PLXNA1: variants seen among roughly 807,000 people sequenced by gnomAD.
PLXNA1 encodes plexin A1, also known as plexin-A1.
Under a neutral mutation model 191.7 loss-of-function variants are expected in PLXNA1, and 77 were observed. The ratio of observed to expected loss-of-function variants is 0.40; its 90% CI spans 0.33 to 0.49. The LOEUF (loss-of-function observed/expected upper bound fraction) is 0.49, where lower values mean the gene tolerates loss of function less well. PLXNA1 is among the 20% of genes least tolerant of loss of function. The pLI is 0.63. For synonymous variants in PLXNA1, 1,137 were observed against 1,156.4 expected (o/e 0.98, Z 0.34); for missense variants, 2,110 against 2,660.2 (o/e 0.79, Z 4.55).
At position 127,030,005 on chromosome 3, in the gene PLXNA1, G is replaced by A. The variant is rs1316116643; in HGVS notation, c.5002G>A (p.Gly1668Ser). Residue 1668 changes from glycine (G) to serine (S), a missense_variant, in exon 28 of 32, where the codon GGT becomes AGT. By Grantham distance (56) the Gly-to-Ser change is moderately conservative (BLOSUM62 0). Coordinates refer to ENST00000393409, the MANE Select transcript of PLXNA1 (RefSeq NM_032242.4). ...CCACGACCACCTGGACCAGCGTGAG[G>A]GTGACCGCGGCAGCAAGATGGTCTC... ...KNHDHLDQRE[G>S]DRGSKMVSEI... is the part of the protein sequence containing the mutation. 1.2e-6 allele frequency: 2 copies of A among 1,613,754 alleles called. No homozygotes were observed. Among genetic ancestry groups the A allele is most frequent in the Non-Finnish European group, 8.5e-7 (1 of 1,179,950 alleles).
chr3:127,015,359 T>C (rs2107632381), intron 15 of PLXNA1, 39 bp downstream of exon 15: 1 of 1,578,850 alleles, frequency 6.3e-7, no homozygotes, highest in East Asian at 2.3e-5. Context: ...TGGCTGCCCC[T>C]CCTCCTGTTT....
In PLXNA1 at chr3:126,991,505, C is replaced by T. The variant is rs2107621338; in HGVS notation, c.1316C>T (p.Ala439Val). Reference protein sequence around the residue: ...DKDDGLTAVAAYDYRGRTVVF... With the variant: ...DKDDGLTAVAVYDYRGRTVVF... Reference sequence around the variant, plus strand: ...GATGATGGCCTGACCGCCGTGGCTGCCTATGACTATCGGGGCCGCACTGTG... The same window carrying T: ...GATGATGGCCTGACCGCCGTGGCTGTCTATGACTATCGGGGCCGCACTGTG... The change falls in exon 3 of 32, where the codon GCC becomes GTC. Residue 439 changes from alanine (A) to valine (V), a missense_variant. Ala to Val is a moderately conservative substitution (Grantham distance 64). Transcript: ENST00000393409. 2 of 1,612,370 alleles carry T rather than the reference C, an allele frequency of 1.2e-6. No homozygotes were observed. Among genetic ancestry groups the T allele is most frequent in the Non-Finnish European group, 1.7e-6 (2 of 1,179,532 alleles).
intron 8 of PLXNA1, among the ~76,000 whole-genome samples, chr3:127,007,460 A>G (rs528056268): frequency 6.6e-6 from 1 of 152,292 alleles, no homozygotes; most frequent in South Asian, 2.1e-4. Context: ...GCACTAACAC[A>G]TTTCTGATGC....
rs1373153386 is a variant in PLXNA1 at position 127,012,105 on chromosome 3, C to T, written c.2260C>T (p.Arg754Cys). The T allele has an allele frequency of 3.7e-6, 6 of 1,613,434 alleles. No homozygotes were observed. Among genetic ancestry groups the T allele is most frequent in the East Asian group, 2.2e-5 (1 of 44,886 alleles). ...CTTCCACATCCCGGGCAGCCCGGCCCGTGTCACCGCCCTGCGCTTCAACAG... is the reference window on the plus strand; with the variant it reads ...CTTCCACATCCCGGGCAGCCCGGCCTGTGTCACCGCCCTGCGCTTCAACAG... ...CLFHIPGSPA[R>C]VTALRFNSSS... Residue 754 changes from arginine to cysteine, a missense_variant, in exon 10 of 32, where the codon CGT becomes TGT. Arg to Cys is a radical substitution (Grantham distance 180). Around this residue, in one of 4 missense-constraint regions of PLXNA1, gnomAD observed 644 missense variants for 714.3 expected, o/e 0.90. Transcript: ENST00000393409.
intron 9 of PLXNA1, 100 bp downstream of exon 9, chr3:127,008,013 A>C: frequency 1.4e-6 from 1 of 738,118 alleles, no homozygotes; most frequent in Non-Finnish European, 2.3e-6. Flanking sequence ...CCCAGGGAGC[A>C]CCTGTGGATG....
At chr3:126,998,391 G>A (rs2079024560) in intron 3 of PLXNA1, among the ~76,000 whole-genome samples, 2 of 152,142 alleles carry the variant, frequency 1.3e-5, no homozygotes. Flanking sequence ...TTTGAGGGAA[G>A]ACACTGGGGC....
chr3:126,988,176 C>T (rs1449919518), intron 1 of PLXNA1, among the ~76,000 whole-genome samples: 2 of 152,168 alleles, frequency 1.3e-5, no homozygotes, highest in Non-Finnish European at 2.9e-5. Context: ...GGCTGCTCTC[C>T]AGGTTGGTGT....
rs754573653 is a variant in PLXNA1, at chr3:127,012,004, G to A, written c.2159G>A (p.Gly720Glu). Residue 720 changes from glycine (G) to glutamate (E), a missense_variant, in exon 10 of 32, where the codon GGA (glycine) becomes GAA (glutamate). By Grantham distance (98) the Gly-to-Glu change is moderately conservative. Coordinates refer to ENST00000393409, the MANE Select transcript of PLXNA1 (RefSeq NM_032242.4). ...LPSTQIYVPVGVVKPITLAAR... is the reference protein window; with the variant it reads ...LPSTQIYVPVEVVKPITLAAR... The stretch of plus-strand genomic sequence containing the variant: ...TCCACGCAGATCTACGTGCCAGTGG[G>A]AGTGGTAAAACCCATCACCCTGGCC... The A allele has an allele frequency of 1.2e-5, 20 of 1,613,650 alleles. No individual in the cohort carries two copies. The highest frequency in any genetic ancestry group is 1.6e-4 in the Middle Eastern group (1 of 6,082).
intron 3 of PLXNA1, among the ~76,000 whole-genome samples, chr3:126,997,229 CTG>C (rs1321690284): frequency 1.3e-5 from 2 of 152,350 alleles, no homozygotes; most frequent in African/African-American, 4.8e-5. Context: ...GTAAGCATGG[CTG>C]TGTGTGGATT....
chr3:127,032,864 G>A (rs2079219263), intron 31 of PLXNA1, 28 bp downstream of exon 31: 2 of 1,605,356 alleles, frequency 1.2e-6, no homozygotes, highest in African/African-American at 2.7e-5. Context: ...CCACAGGCTG[G>A]GCTAGGAGGG....
chr3:127,025,311 C>T (rs1302926834), intron 23 of PLXNA1, among the ~76,000 whole-genome samples: 1 of 152,198 alleles, frequency 6.6e-6, no homozygotes, highest in African/African-American at 2.4e-5. Flanking sequence ...GTAGTGGAAT[C>T]GTGCACTGTT....
Position 127,022,071 on chromosome 3 carries a change from G to C in PLXNA1, c.4039-14G>C. On this transcript the variant is annotated splice_polypyrimidine_tract_variant and intron_variant, in intron 21 of 31. Transcript: ENST00000393409. ...GGTGCTTCTCTGTGGTCTGAGCTCT[G>C]TGTGCTCCCTCAGGTGCAGGCCAAT... 1.9e-6 allele frequency: 3 copies of C among 1,608,124 alleles called. No homozygotes were observed. Among genetic ancestry groups the C allele is most frequent in the Admixed American group, 3.3e-5 (2 of 59,956 alleles).
chr3:127,018,155 C>G, intron 19 of PLXNA1, 139 bp from the exon 20 acceptor site: 1 of 904,004 alleles, frequency 1.1e-6, no homozygotes, highest in Non-Finnish European at 1.6e-6. Flanking sequence ...GTGTCTCCAC[C>G]CTGGTGACCA....
At chr3:126,983,446 G>A (rs1252645858) in intron 1 of PLXNA1, among the ~76,000 whole-genome samples, 159 bp downstream of exon 1, 1 of 145,730 alleles carries the variant, frequency 6.9e-6, no homozygotes, top group Admixed American at 6.8e-5. Flanking sequence ...GGGGACTGCG[G>A]CGCGCGTGGG....
chr3:127,023,950 T>C (rs1576688536), intron 23 of PLXNA1, among the ~76,000 whole-genome samples: 1 of 152,026 alleles, frequency 6.6e-6, no homozygotes, highest in Non-Finnish European at 1.5e-5. Flanking sequence ...TCTCTGGAGG[T>C]GGGACATTTA....
intron 9 of PLXNA1, among the ~76,000 whole-genome samples, chr3:127,009,457 T>G (rs2079085067): frequency 6.6e-6 from 1 of 151,900 alleles, no homozygotes; most frequent in Non-Finnish European, 1.5e-5. Flanking sequence ...TACTTACTCT[T>G]TTTTTTAGCT....
Position 127,033,480 on chromosome 3 carries a change from G to A in PLXNA1, c.5596-442G>A, listed in dbSNP as rs529323705. On this transcript the variant is annotated intron_variant, in intron 31 of 31. Coordinates refer to ENST00000393409, the MANE Select transcript of PLXNA1 (RefSeq NM_032242.4). The stretch of plus-strand genomic sequence containing the variant: ...TGCCACAGGAGGCAGACAGGAGGCA[G>A]AGGGCTGTCCTCAGGCAGGTGCCCC... 2.0e-5 allele frequency among the ~76,000 whole-genome samples: 3 copies of A among 152,324 alleles called. No homozygotes were observed. The South Asian group carries it at 6.2e-4, about 32-fold the overall frequency.
At chr3:126,984,972 T>A (rs1375291713) in intron 1 of PLXNA1, among the ~76,000 whole-genome samples, 1 of 152,102 alleles carries the variant, frequency 6.6e-6, no homozygotes. Flanking sequence ...TGGGACCACC[T>A]CCCATGACCC....
chr3:127,011,531 A>G (rs1032857563), intron 9 of PLXNA1, among the ~76,000 whole-genome samples: 6 of 152,188 alleles, frequency 3.9e-5, no homozygotes, highest in Non-Finnish European at 7.3e-5. Flanking sequence ...AAGCCAGGCC[A>G]TTGCATCAGT....
Sources: allele counts gnomAD v4.1 joint callset (sites outside exome capture counted in the v4.1 genomes callset), GRCh38; gene constraint gnomAD v4.1.1; regional missense constraint gnomAD v4.1.1; transcripts MANE v1.5; gene names NCBI Gene and HGNC (gene_info 2026-07-23, HGNC 2026-07-21).